Variants in COL4A3 observed in about 807,000 individuals in gnomAD.
The protein encoded by COL4A3 is collagen type IV alpha 3 chain, also known as collagen alpha-3(IV) chain.
Under a neutral mutation model 217.4 loss-of-function variants are expected in COL4A3, and 135 were observed. The ratio of observed to expected loss-of-function variants is 0.62; its 90% confidence interval spans 0.54 to 0.72. The LOEUF (loss-of-function observed/expected upper bound fraction) is 0.72. COL4A3 is among the 30% of genes least tolerant of loss of function. The pLI is 0.00. For synonymous variants in COL4A3, 690 were observed against 736.3 expected, an observed-to-expected ratio of 0.94 and a Z score of 1.02; for missense variants, 1,868 against 2,119.9, an observed-to-expected ratio of 0.88 and a Z score of 2.33.
At chr2:227,225,964 G>A (rs143414324) in intron 1 of COL4A3, among the ~76,000 whole-genome samples, 132 of 152,102 alleles carry the variant, frequency 8.7e-4, no homozygotes, top group African/African-American at 2.8e-3. Flanking sequence ...CACCCGCCTC[G>A]GCTTCCCAAA....
At chr2:227,231,138 G>A (rs939982132) in intron 1 of COL4A3, among the ~76,000 whole-genome samples, 3 of 152,126 alleles carry the variant, frequency 2.0e-5, no homozygotes, top group Admixed American at 6.5e-5. Flanking sequence ...GCAAGTAGAT[G>A]ATATGGCAGA....
chr2:227,280,516 A>G lies in COL4A3; in HGVS notation c.2300A>G (p.His767Arg), dbSNP rs1304361843. Residue 767 changes from histidine (H) to arginine (R), a missense_variant, in exon 30 of 52, where the codon CAT becomes CGT. His to Arg is a conservative substitution (Grantham distance 29). This residue lies in a region of COL4A3 where 1,503 missense variants were observed against 1,786.1 expected (regional missense o/e 0.84). Coordinates refer to ENST00000396578, the MANE Select transcript of COL4A3 (RefSeq NM_000091.5). Reference sequence around the variant, plus strand: ...GGAGAAAGAGGCAATTCTGGGGAACATGGAGAAATTGGACTCCCTGGACTT... The same window carrying G: ...GGAGAAAGAGGCAATTCTGGGGAACGTGGAGAAATTGGACTCCCTGGACTT... ...FPGERGNSGEHGEIGLPGLPG... is the reference protein window; with the variant it reads ...FPGERGNSGERGEIGLPGLPG... 1 of 1,614,196 alleles carries G rather than the reference A, an allele frequency of 6.2e-7. No individual in the cohort carries two copies. The highest frequency in any genetic ancestry group is 2.2e-5 in the East Asian group (1 of 44,882).
chr2:227,203,057 A>G (rs1309225578), intron 1 of COL4A3, among the ~76,000 whole-genome samples: 1 of 58,786 alleles, frequency 1.7e-5, no homozygotes, highest in Non-Finnish European at 3.0e-5. Flanking sequence ...ATATATGTGT[A>G]TATATACATA....
intron 34 of COL4A3, among the ~76,000 whole-genome samples, chr2:227,286,085 C>T (rs536531034): frequency 3.0e-4 from 45 of 152,292 alleles, no homozygotes; most frequent in Non-Finnish European, 5.6e-4. Flanking sequence ...ATAATAAAGA[C>T]GCGAGGTGCA....
chr2:227,202,598 G>A (rs901445985), intron 1 of COL4A3, among the ~76,000 whole-genome samples: 53 of 151,436 alleles, frequency 3.5e-4, no homozygotes, highest in South Asian at 8.3e-4. Context: ...AGCCGGGCGC[G>A]GTGGCGGGCA....
chr2:227,185,002 T>C (rs1038609415), intron 1 of COL4A3, among the ~76,000 whole-genome samples: 4 of 146,904 alleles, frequency 2.7e-5, no homozygotes, highest in African/African-American at 7.5e-5. Flanking sequence ...CCCAGGTTCA[T>C]GCCATTCTCC....
chr2:227,303,129 G>A lies in COL4A3; in HGVS notation c.3955+19G>A. 6.3e-7 allele frequency: 1 copy of A among 1,599,856 alleles called. No homozygotes were observed. Among genetic ancestry groups the A allele is most frequent in the Non-Finnish European group, 8.6e-7 (1 of 1,167,166 alleles). ...GTGAAAGGTACTGTTTTTGTGCATT[G>A]CTCTTTATATGCAAATACCATAACC... On this transcript the variant is annotated intron_variant, in intron 44 of 51. Coordinates refer to ENST00000396578, the MANE Select transcript of COL4A3 (RefSeq NM_000091.5).
Position 227,280,527 on chromosome 2 carries a change from G to A in COL4A3, c.2311G>A (p.Gly771Arg). 1 of 1,614,078 alleles carries A rather than the reference G, an allele frequency of 6.2e-7. No individual in the cohort carries two copies. The highest frequency in any genetic ancestry group is 8.5e-7 in the Non-Finnish European group (1 of 1,179,962). ...RGNSGEHGEI[G>R]LPGLPGLPGT... is the part of the protein sequence containing the mutation. The stretch of plus-strand genomic sequence containing the variant: ...CAATTCTGGGGAACATGGAGAAATT[G>A]GACTCCCTGGACTTCCAGGTCTCCC... The change falls in exon 30 of 52, where the codon GGA becomes AGA. Residue 771 changes from glycine to arginine, a missense_variant. This residue lies in a region of COL4A3 where 1,503 missense variants were observed against 1,786.1 expected (regional missense o/e 0.84). Coordinates refer to ENST00000396578, the MANE Select transcript of COL4A3 (RefSeq NM_000091.5).
intron 21 of COL4A3, among the ~76,000 whole-genome samples, chr2:227,266,088 A>T (rs532915400): frequency 3.0e-4 from 46 of 152,284 alleles, no homozygotes; most frequent in Admixed American, 9.8e-4. Flanking sequence ...TAGAACTACA[A>T]TTCAAGATGA....
chr2:227,291,096 C>T, intron 37 of COL4A3: 1 of 564,368 alleles, frequency 1.8e-6, no homozygotes, highest in Non-Finnish European at 3.1e-6. Context: ...CTTTCAGTCA[C>T]CAAGGAATTT....
In COL4A3 at chr2:227,310,902, T is replaced by G. The variant is rs773905198; in HGVS notation, c.4882T>G (p.Ser1628Ala). The G allele has an allele frequency of 3.9e-5, 63 of 1,614,098 alleles. No homozygotes were observed. The South Asian group carries it at 6.8e-4, about 17-fold the overall frequency. ...GRGTCNYYSNSYSFWLASLNP... is the reference protein window; with the variant it reads ...GRGTCNYYSNAYSFWLASLNP... ...AGGAACGTGCAACTACTATTCAAAT[T>G]CCTACAGTTTCTGGCTGGCTTCATT... Residue 1628 changes from serine (S) to alanine (A), a missense_variant, in exon 51 of 52, where the codon TCC becomes GCC. Ser to Ala is a moderately conservative substitution (Grantham distance 99). Coordinates refer to ENST00000396578, the MANE Select transcript of COL4A3 (RefSeq NM_000091.5).
At chr2:227,303,240 T>C (rs2073368534) in intron 44 of COL4A3, 130 bp downstream of exon 44, 2 of 748,930 alleles carry the variant, frequency 2.7e-6, no homozygotes, top group Non-Finnish European at 2.4e-6. Flanking sequence ...ACGAGTGAAG[T>C]AGGAAGGCTC....
At chr2:227,244,254 G>A in intron 3 of COL4A3, 66 bp from the exon 4 acceptor site, 2 of 1,360,714 alleles carry the variant, frequency 1.5e-6, no homozygotes, top group South Asian at 1.2e-5. Context: ...TGGGTTTGAT[G>A]TATGGGTTTC....
At chr2:227,196,514 TC>T (rs1190673534) in intron 1 of COL4A3, among the ~76,000 whole-genome samples, 1 of 152,082 alleles carries the variant, frequency 6.6e-6, no homozygotes, top group Non-Finnish European at 1.5e-5. Flanking sequence ...AGACAGGGTT[TC>T]ACCGTGATAG....
Position 227,253,982 on chromosome 2 carries a change from G to C in COL4A3, c.766-130G>C, listed in dbSNP as rs2069969883. On this transcript the variant is annotated intron_variant, in intron 13 of 51. Coordinates refer to ENST00000396578, the MANE Select transcript of COL4A3 (RefSeq NM_000091.5). This position sits in a 1 kb window ranked among gnomAD's most constrained non-coding sequence, Gnocchi z 4.4. ...TGAGAAATGGAAGGTGTATTGGGTT[G>C]TGTTAACACGAGGCACATTCATAGT... The C allele has an allele frequency of 2.3e-6, 2 of 858,216 alleles. No homozygotes were observed. Among genetic ancestry groups the C allele is most frequent in the Non-Finnish European group, 4.0e-6 (2 of 505,656 alleles). The allele number at this position is 858,216 out of a possible 1,614,324, so 53.2% of individuals were successfully genotyped here.
At chr2:227,256,477 G>A (rs2070183821) in intron 17 of COL4A3, 81 bp downstream of exon 17, 3 of 1,106,410 alleles carry the variant, frequency 2.7e-6, no homozygotes, top group Non-Finnish European at 4.2e-6. Flanking sequence ...CTGGACCTAA[G>A]TACAAGGGAT....
intron 1 of COL4A3, among the ~76,000 whole-genome samples, chr2:227,183,471 A>G (rs1363806441): frequency 6.6e-6 from 1 of 152,206 alleles, no homozygotes; most frequent in Non-Finnish European, 1.5e-5. Flanking sequence ...GAAACGAGGA[A>G]AATACAAATC....
chr2:227,179,398 A>G (rs187699088), intron 1 of COL4A3, among the ~76,000 whole-genome samples: 2 of 152,224 alleles, frequency 1.3e-5, no homozygotes, highest in Non-Finnish European at 2.9e-5. Context: ...AAAAGCATCA[A>G]TTAATTACTT....
At chr2:227,215,419 A>G (rs1287305968) in intron 1 of COL4A3, among the ~76,000 whole-genome samples, 1 of 152,032 alleles carries the variant, frequency 6.6e-6, no homozygotes, top group South Asian at 2.1e-4. Flanking sequence ...GGCACAAGGT[A>G]TATAACCACC....
Sources: gnomAD v4.1 joint callset for allele counts (sites outside exome capture counted in the v4.1 genomes callset) on GRCh38, gnomAD v4.1.1 for gene constraint, gnomAD v4.1.1 regional missense constraint, Gnocchi (gnomAD v3.1) non-coding constraint, MANE v1.5 for transcripts, NCBI Gene and HGNC (gene_info 2026-07-23, HGNC 2026-07-21) for gene names.